The following NRF1 variants were observed in gnomAD, a reference collection of about 807,000 sequenced individuals.
NRF1 encodes nuclear respiratory factor 1.
A neutral mutation model predicts 58.5 loss-of-function variants in NRF1; 5 were observed. The ratio of observed to expected loss-of-function variants is 0.09; its 90% CI spans 0.04 to 0.18. NRF1 has a LOEUF of 0.18. NRF1 is among the 10% of genes least tolerant of loss of function. The probability of loss-of-function intolerance (pLI) is 1.00; values close to 1 mark genes in which losing one functional copy is unlikely to be tolerated. For missense variants in NRF1, 288 were observed against 657.7 expected (o/e 0.44, Z 6.15); for synonymous variants, 224 against 246.7 (o/e 0.91, Z 0.86).
chr7:129,662,476 T>C (rs1159156429), intron 2 of NRF1, among the ~76,000 whole-genome samples: 2 of 151,890 alleles, frequency 1.3e-5, no homozygotes, highest in African/African-American at 4.8e-5. Flanking sequence ...AAATTTCTTT[T>C]AAACAAATAA....
chr7:129,683,210 A>G (rs777108894), intron 4 of NRF1, among the ~76,000 whole-genome samples: 1 of 151,890 alleles, frequency 6.6e-6, no homozygotes, highest in Non-Finnish European at 1.5e-5. Context: ...GCCCCAGAGA[A>G]TATTTTCTGA....
chr7:129,695,294 C>T (rs936864971), intron 5 of NRF1, among the ~76,000 whole-genome samples: 4 of 151,798 alleles, frequency 2.6e-5, no homozygotes, highest in African/African-American at 9.7e-5. Flanking sequence ...AATCTTAACA[C>T]TGCCGGGCAT....
In NRF1 at chr7:129,686,382, T is replaced by TGTC. The variant is rs890796108; in HGVS notation, c.466-4023_466-4021dup. Among the ~76,000 whole-genome samples, 22 of 152,324 alleles carry TGTC rather than the reference T, an allele frequency of 1.4e-4. 1 individual carries two copies. The East Asian group carries it at 2.1e-3, about 15-fold the overall frequency. On this transcript the variant is annotated intron_variant, in intron 4 of 10. Transcript: ENST00000393232. Reference sequence around the variant, plus strand: ...ATGCTGGCCAGAGAAACTTGGACTTTGTCCTATAAGAAGTGAGGAACTATA... The same window carrying TGTC: ...ATGCTGGCCAGAGAAACTTGGACTTTGTCGTCCTATAAGAAGTGAGGAACTATA...
At chr7:129,634,061 T>TACAC (rs141834786) in intron 1 of NRF1, among the ~76,000 whole-genome samples, 1,565 of 131,390 alleles carry the variant, frequency 0.012, 9 homozygotes, top group Non-Finnish European at 0.016. Context: ...TATATATATA[T>TACAC]ACACACACAC....
At position 129,716,971 on chromosome 7, in the gene NRF1, T is replaced by G. The variant is rs187399737; in HGVS notation, c.1066-248T>G. Among the ~76,000 whole-genome samples the G allele has an allele frequency of 1.4e-3, 206 of 152,218 alleles. 1 individual carries two copies. The highest frequency in any genetic ancestry group is 4.7e-3 in the African/African-American group (194 of 41,530). The stretch of plus-strand genomic sequence containing the variant: ...CACACATACAATCCAGAGAATATAT[T>G]CAGTGGCTTTTGTGTGTCCTTCCAG... On this transcript the variant is annotated intron_variant, in intron 8 of 10. Transcript: ENST00000393232.
intron 8 of NRF1, among the ~76,000 whole-genome samples, chr7:129,713,633 A>G (rs940281348): frequency 2.0e-5 from 3 of 152,348 alleles, no homozygotes. Context: ...AAAAGATAAT[A>G]AAGACTCCCC....
chr7:129,654,963 T>C lies in NRF1; in HGVS notation c.-6-2383T>C, dbSNP rs563853272. Among the ~76,000 whole-genome samples, 10 of 152,354 alleles carry C rather than the reference T, an allele frequency of 6.6e-5. No homozygotes were observed. In the East Asian group the frequency reaches 1.7e-3, roughly 26 times the overall value. On this transcript the variant is annotated intron_variant, in intron 1 of 10. Transcript: ENST00000393232. ...GTCTTTTGCCTCTCCATGTAAACTT[T>C]AGTGTCAGTTGGTTGGTATCCACAA...
At chr7:129,659,743 C>G (rs1224626645) in intron 2 of NRF1, among the ~76,000 whole-genome samples, 1 of 152,168 alleles carries the variant, frequency 6.6e-6, no homozygotes, top group Non-Finnish European at 1.5e-5. Context: ...AAATTTTAGC[C>G]ATGAGATTTT....
chr7:129,671,765 CCTG>C (rs1484963288), intron 3 of NRF1, among the ~76,000 whole-genome samples: 1 of 152,148 alleles, frequency 6.6e-6, no homozygotes, highest in Non-Finnish European at 1.5e-5. Context: ...AAGTTGTATG[CCTG>C]CTATGTGCAA....
chr7:129,622,197 C>G (rs537150269), intron 1 of NRF1, among the ~76,000 whole-genome samples: 4 of 152,050 alleles, frequency 2.6e-5, no homozygotes, highest in African/African-American at 9.7e-5. Flanking sequence ...CATTGTTTTT[C>G]AAGTTATCCT....
At chr7:129,645,530 T>C (rs1033343660) in intron 1 of NRF1, among the ~76,000 whole-genome samples, 12 of 152,210 alleles carry the variant, frequency 7.9e-5, no homozygotes, top group African/African-American at 2.7e-4. Flanking sequence ...TTTCAGTAGG[T>C]CTACGCAGTC....
chr7:129,725,446 G>C (rs1803429793), intron 9 of NRF1, among the ~76,000 whole-genome samples: 1 of 151,762 alleles, frequency 6.6e-6, no homozygotes, highest in Non-Finnish European at 1.5e-5. Context: ...TCCTGCCTCA[G>C]CCTCCTGAGT....
At chr7:129,715,080 C>T (rs1468269246) in intron 8 of NRF1, among the ~76,000 whole-genome samples, 1 of 152,138 alleles carries the variant, frequency 6.6e-6, no homozygotes, top group African/African-American at 2.4e-5. Flanking sequence ...AGTTAATCAA[C>T]CAGTATTTAT....
chr7:129,657,605 TA>T, intron 2 of NRF1, 31 bp downstream of exon 2: 3 of 1,368,266 alleles, frequency 2.2e-6, no homozygotes, highest in South Asian at 1.3e-5. Context: ...AGCTCTTCTT[TA>T]ATTTTTTTTT....
At chr7:129,652,751 C>T (rs930953069) in intron 1 of NRF1, among the ~76,000 whole-genome samples, 3 of 152,100 alleles carry the variant, frequency 2.0e-5, no homozygotes, top group African/African-American at 4.8e-5. Context: ...CCACCACTCC[C>T]GGCTAATTTT....
rs1041612846 is a variant in NRF1 at position 129,741,023 on chromosome 7, G to C, written c.1348+13658G>C. 6.6e-6 allele frequency among the ~76,000 whole-genome samples: 1 copy of C among 152,142 alleles called. No individual in the cohort carries two copies. Among genetic ancestry groups the C allele is most frequent in the Non-Finnish European group, 1.5e-5 (1 of 68,006 alleles). ...CTGGATACCTCTAGTCGACATGTCA[G>C]GGCCCCAAAGGAATCAAGTCCCTTT... is the stretch of plus-strand genomic sequence containing the variant. On this transcript the variant is annotated intron_variant, in intron 10 of 10. Coordinates refer to ENST00000393232, the MANE Select transcript of NRF1 (RefSeq NM_005011.5). This position sits in a 1 kb window ranked among gnomAD's most constrained non-coding sequence, Gnocchi z 4.0.
intron 2 of NRF1, among the ~76,000 whole-genome samples, chr7:129,665,609 T>C (rs1277675849): frequency 1.3e-5 from 2 of 152,084 alleles, no homozygotes; most frequent in Non-Finnish European, 2.9e-5. Context: ...ACCAGTATGT[T>C]GTTTGTTGTT....
At chr7:129,715,524 T>G (rs1197232933) in intron 8 of NRF1, among the ~76,000 whole-genome samples, 1 of 152,240 alleles carries the variant, frequency 6.6e-6, no homozygotes, top group Non-Finnish European at 1.5e-5. Flanking sequence ...TTTCTGAGTT[T>G]AGCAGTTTCT....
intron 5 of NRF1, among the ~76,000 whole-genome samples, chr7:129,705,786 G>A (rs1267834633): frequency 2.0e-5 from 3 of 151,724 alleles, no homozygotes; most frequent in African/African-American, 7.3e-5. Context: ...GAAAAGTAAA[G>A]AAAAAAAATA....
Sources: gnomAD v4.1 joint callset for allele counts (sites outside exome capture counted in the v4.1 genomes callset) on GRCh38, gnomAD v4.1.1 for gene constraint, Gnocchi (gnomAD v3.1) non-coding constraint, MANE v1.5 for transcripts, NCBI Gene and HGNC (gene_info 2026-07-23, HGNC 2026-07-21) for gene names.